OTOG: variants seen among roughly 807,000 people sequenced by gnomAD.
OTOG encodes the protein otogelin.
Under a neutral mutation model 313.8 loss-of-function variants are expected in OTOG, and 296 were observed. That is an observed-to-expected ratio of 0.94 (90% confidence interval 0.86 to 1.04). The LOEUF (loss-of-function observed/expected upper bound fraction) is 1.04, where lower values mean the gene tolerates loss of function less well. Ranked by LOEUF, OTOG falls within the 50% of genes least tolerant of loss-of-function variation. The probability of loss-of-function intolerance (pLI) is 0.00; values close to 1 mark genes in which losing one functional copy is unlikely to be tolerated. For missense variants in OTOG, 3,948 were observed against 3,840.1 expected, an observed-to-expected ratio of 1.03 and a Z score of -0.74; for synonymous variants, 1,533 against 1,554.9, an observed-to-expected ratio of 0.99 and a Z score of 0.33.
intron 8 of OTOG, 89 bp from the exon 9 acceptor site, chr11:17,558,096 T>C: frequency 6.8e-7 from 1 of 1,467,056 alleles, no homozygotes; most frequent in Non-Finnish European, 9.2e-7. Context: ...TACCCATCCC[T>C]TGGGATCCGC....
At position 17,561,255 on chromosome 11, in the gene OTOG, C is replaced by A. The variant is rs1852176492; in HGVS notation, c.1498+118C>A. ...TGGGGATGTCACTCAGTTCCATTGG[C>A]TACGCCCCGACCCCTGTTTCCTCAG... On this transcript the variant is annotated intron_variant, in intron 14 of 55. Coordinates refer to ENST00000399397, the MANE Select transcript of OTOG (RefSeq NM_001292063.2). 4 of 1,178,186 alleles carry A rather than the reference C, an allele frequency of 3.4e-6. No individual in the cohort carries two copies. In the African/African-American group the frequency reaches 6.1e-5, roughly 18 times the overall value. 73.0% of individuals were successfully genotyped at this position (1,178,186 alleles called of 1,614,324 possible). A position where few individuals can be genotyped will look rare whatever the true frequency, so the allele number is the denominator to read the frequency against.
chr11:17,553,526 C>T lies in OTOG; in HGVS notation c.540+7C>T. On this transcript the variant is annotated splice_region_variant and intron_variant, in intron 6 of 55. Transcript: ENST00000399397. ...ACAGAGCTTCTCCATCCAGGTGAGG[C>T]CTCCCCTGCCTTGCCTGTCCAGGAA... The T allele has an allele frequency of 1.4e-6, 2 of 1,425,850 alleles. No homozygotes were observed. The highest frequency in any genetic ancestry group is 1.8e-6 in the Non-Finnish European group (2 of 1,087,450). 88.3% of individuals were successfully genotyped at this position (1,425,850 alleles called of 1,614,324 possible). A position where few individuals can be genotyped will look rare whatever the true frequency, so the allele number is the denominator to read the frequency against.
In OTOG at chr11:17,551,986, C is replaced by G; in HGVS notation, c.217-14C>G. 1.3e-6 allele frequency: 2 copies of G among 1,550,220 alleles called. No individual in the cohort carries two copies. The highest frequency in any genetic ancestry group is 1.7e-6 in the Non-Finnish European group (2 of 1,146,690). ...TCAGCCCTCGATGTGTTCTCTTCCT[C>G]CTGTCTTCACAAGCAGGCTGAAGCC... On this transcript the variant is annotated splice_polypyrimidine_tract_variant and intron_variant, in intron 3 of 55. Coordinates refer to ENST00000399397, the MANE Select transcript of OTOG (RefSeq NM_001292063.2).
Position 17,631,811 on chromosome 11 carries a change from C to T in OTOG, c.6822C>T (p.Ser2274=). Residue 2274 remains serine (S), a synonymous_variant, in exon 41 of 56, where the codon TCC becomes TCT. Coordinates refer to ENST00000399397, the MANE Select transcript of OTOG (RefSeq NM_001292063.2). ...TGGACAGCTGGCAGGTGCCCAGCTC[C>T]CTGACCTCAGTGGGCCAGACCCGCT... ...PFLDSWQVPS[S]LTSVGQTRFR... 1 of 1,550,656 alleles carries T rather than the reference C, an allele frequency of 6.4e-7. No homozygotes were observed. The highest frequency in any genetic ancestry group is 2.4e-5 in the East Asian group (1 of 40,930).
At position 17,612,622 on chromosome 11, in the gene OTOG, C is replaced by A. The variant is rs752377628; in HGVS notation, c.6295C>A (p.Arg2099=). The A allele has an allele frequency of 5.8e-6, 9 of 1,549,782 alleles. No individual in the cohort carries two copies. The African/African-American group carries it at 1.1e-4, about 19-fold the overall frequency. ...CTTGTGCCCTGCCCCTCCCCCAGGCCGGTGCTCAATCTTCCCTGACCTGAG... is the reference window on the plus strand; with the variant it reads ...CTTGTGCCCTGCCCCTCCCCCAGGCAGGTGCTCAATCTTCCCTGACCTGAG... ...RCCPLWECAC[R]CSIFPDLSFV... is the part of the protein sequence containing the mutation. Residue 2099 remains arginine, a splice_region_variant and synonymous_variant, in exon 38 of 56, where the codon CGG becomes AGG. Transcript: ENST00000399397.
At chr11:17,599,124 A>T (rs369559068) in intron 30 of OTOG, among the ~76,000 whole-genome samples, 4 of 152,170 alleles carry the variant, frequency 2.6e-5, no homozygotes, top group East Asian at 1.9e-4. Context: ...GGTGCTGGGG[A>T]TGACCACTAG....
chr11:17,591,989 G>A (rs1449953768), intron 25 of OTOG, among the ~76,000 whole-genome samples: 1 of 152,328 alleles, frequency 6.6e-6, no homozygotes, highest in African/African-American at 2.4e-5. Flanking sequence ...TAACAATTCA[G>A]GCTAAGGGAA....
At chr11:17,641,629 G>T (rs1402022522) in intron 51 of OTOG, among the ~76,000 whole-genome samples, 1 of 152,184 alleles carries the variant, frequency 6.6e-6, no homozygotes, top group Non-Finnish European at 1.5e-5. Flanking sequence ...AGCAGAAATG[G>T]CTTGGAAAGG....
intron 49 of OTOG, among the ~76,000 whole-genome samples, chr11:17,640,103 A>G (rs1847939543): frequency 6.6e-6 from 1 of 152,132 alleles, no homozygotes; most frequent in Non-Finnish European, 1.5e-5. Context: ...GTTGATGACA[A>G]TCATGACGGT....
At position 17,641,065 on chromosome 11, in the gene OTOG, G is replaced by A. The variant is rs1310923563; in HGVS notation, c.8164G>A (p.Val2722Met). 17 of 1,540,220 alleles carry A rather than the reference G, an allele frequency of 1.1e-5. No individual in the cohort carries two copies. Among genetic ancestry groups the A allele is most frequent in the African/African-American group, 1.4e-5 (1 of 72,442 alleles). ...CTTCTACCAGATCAACACCACCTCC[G>A]TGCTCTGTGACATCCACTGTGAGGC... The part of the protein sequence containing the change: ...TNFYQINTTS[V>M]LCDIHCEANQ... Residue 2722 changes from valine to methionine, a missense_variant, in exon 51 of 56, where the codon GTG (valine) becomes ATG (methionine). Transcript: ENST00000399397.
intron 37 of OTOG, 129 bp from the exon 38 acceptor site, chr11:17,612,491 G>T: frequency 7.2e-7 from 1 of 1,396,238 alleles, no homozygotes; most frequent in Non-Finnish European, 9.5e-7. Context: ...TGCGTGGTCT[G>T]AGCCACCCTC....
At position 17,553,376 on chromosome 11, in the gene OTOG, G is replaced by A. The variant is rs186893662; in HGVS notation, c.397G>A (p.Gly133Ser). Residue 133 changes from glycine to serine, a missense_variant, in exon 6 of 56, where the codon GGC becomes AGC. By Grantham distance (56) the Gly-to-Ser change is moderately conservative. Transcript: ENST00000399397. ...GPRCQMVYNA[G>S]PERDSICRAW... Reference sequence around the variant, plus strand: ...TTTCTCTCCCTCAGTGTACAATGCCGGCCCTGAGAGGGACAGCATTTGCCG... The same window carrying A: ...TTTCTCTCCCTCAGTGTACAATGCCAGCCCTGAGAGGGACAGCATTTGCCG... 6.1e-4 allele frequency: 895 copies of A among 1,463,346 alleles called. No individual in the cohort carries two copies. Among genetic ancestry groups the A allele is most frequent in the Non-Finnish European group, 6.9e-4 (759 of 1,104,172 alleles). The allele number at this position is 1,463,346 out of a possible 1,614,324, so 90.6% of individuals were successfully genotyped here. A position where few individuals can be genotyped will look rare whatever the true frequency, so the allele number is the denominator to read the frequency against.
At chr11:17,629,104 G>A (rs1281463056) in intron 39 of OTOG, 29 bp from the exon 40 acceptor site, 5 of 1,540,130 alleles carry the variant, frequency 3.2e-6, no homozygotes, top group Non-Finnish European at 4.4e-6. Flanking sequence ...GGATGGACAA[G>A]CTGTGCTCAC....
In OTOG at chr11:17,572,072, G is replaced by C; in HGVS notation, c.1956-8G>C. ...AAGTGTGTGAATATGGCTGTGACATGGCTGCAGGTCTCCAGTGGGTGTACC... is the reference window on the plus strand; with the variant it reads ...AAGTGTGTGAATATGGCTGTGACATCGCTGCAGGTCTCCAGTGGGTGTACC... On this transcript the variant is annotated splice_region_variant and splice_polypyrimidine_tract_variant and intron_variant, in intron 17 of 55. Transcript: ENST00000399397. 6.5e-7 allele frequency: 1 copy of C among 1,550,386 alleles called. No homozygotes were observed. Among genetic ancestry groups the C allele is most frequent in the Non-Finnish European group, 8.7e-7 (1 of 1,146,894 alleles).
chr11:17,612,781 C>T lies in OTOG; in HGVS notation c.6438+16C>T, dbSNP rs1325390341. 1 of 1,548,860 alleles carries T rather than the reference C, an allele frequency of 6.5e-7. No homozygotes were observed. Among genetic ancestry groups the T allele is most frequent in the Non-Finnish European group, 8.7e-7 (1 of 1,146,040 alleles). On this transcript the variant is annotated intron_variant, in intron 38 of 55. Transcript: ENST00000399397. ...TGCCAACCTGGTGCCTGCCCCATAC[C>T]TCCCTCCCTGCTGGGGACTAGGAAT...
At position 17,640,560 on chromosome 11, in the gene OTOG, T is replaced by C. The variant is rs114209936; in HGVS notation, c.7936-185T>C. ...AGAGGACACTGGACAGTGCTCCTCA[T>C]TGGGGAGGCCTGGTAGCCACACTGG... On this transcript the variant is annotated intron_variant, in intron 49 of 55. Transcript: ENST00000399397. 2.5e-3 allele frequency among the ~76,000 whole-genome samples: 388 copies of C among 152,272 alleles called. 1 individual carries two copies. Among genetic ancestry groups the C allele is most frequent in the African/African-American group, 8.8e-3 (365 of 41,548 alleles).
chr11:17,591,274 G>C (rs1157576942), intron 24 of OTOG, among the ~76,000 whole-genome samples, 176 bp from the exon 25 acceptor site: 1 of 152,216 alleles, frequency 6.6e-6, no homozygotes, highest in Non-Finnish European at 1.5e-5. Flanking sequence ...GAGCCCCTGT[G>C]TCTCCTGCAT....
chr11:17,641,004 C>A lies in OTOG; in HGVS notation c.8103C>A (p.Thr2701=). The part of the protein sequence containing the change: ...VELSADGVCH[T]SRCTTVLDPL... ...TCTCAGCAGATGGCGTGTGCCACAC[C>A]TCCCGCTGCACCACCGTGCTCGACC... Residue 2701 remains threonine, a synonymous_variant, in exon 51 of 56, where the codon ACC becomes ACA. Coordinates refer to ENST00000399397, the MANE Select transcript of OTOG (RefSeq NM_001292063.2). 1 of 1,548,502 alleles carries A rather than the reference C, an allele frequency of 6.5e-7. No homozygotes were observed. Among genetic ancestry groups the A allele is most frequent in the Non-Finnish European group, 8.7e-7 (1 of 1,146,980 alleles).
rs541025238 is a variant in OTOG, at chr11:17,563,469, G to A, written c.1644+1662G>A. Among the ~76,000 whole-genome samples, 3 of 152,362 alleles carry A rather than the reference G, an allele frequency of 2.0e-5. No homozygotes were observed. The South Asian group carries it at 6.2e-4, about 32-fold the overall frequency. On this transcript the variant is annotated intron_variant, in intron 15 of 55. Coordinates refer to ENST00000399397, the MANE Select transcript of OTOG (RefSeq NM_001292063.2). ...GGTCTTTCTTCTCCTTTTGGCCTGA[G>A]TGTGCCCCTCCCTTCTTTCTGCTAG...
Sources: gnomAD v4.1 joint callset for allele counts (sites outside exome capture counted in the v4.1 genomes callset) on GRCh38, gnomAD v4.1.1 for gene constraint, MANE v1.5 for transcripts, NCBI Gene and HGNC (gene_info 2026-07-23, HGNC 2026-07-21) for gene names.